Variants in PCDHA6 observed in about 807,000 individuals in gnomAD.
PCDHA6 encodes the protein protocadherin alpha-6.
A neutral mutation model predicts 60.3 loss-of-function variants in PCDHA6; 55 were observed. The ratio of observed to expected loss-of-function variants is 0.91; its 90% CI spans 0.73 to 1.14. The LOEUF is 1.14. Ranked by LOEUF, PCDHA6 falls within the 50% of genes most tolerant of loss-of-function variation. PCDHA6 has a pLI of 0.00. For missense variants in PCDHA6, 1,327 were observed against 1,256.5 expected, an observed-to-expected ratio of 1.06 and a Z score of -0.85; for synonymous variants, 652 against 557.9, an observed-to-expected ratio of 1.17 and a Z score of -2.38.
chr5:140,939,904 T>A (rs1554213033), intron 1 of PCDHA6, among the ~76,000 whole-genome samples: 3 of 152,228 alleles, frequency 2.0e-5, no homozygotes, highest in Non-Finnish European at 2.9e-5. Context: ...TTCTGCATTC[T>A]TTTTTATTCT....
intron 1 of PCDHA6, among the ~76,000 whole-genome samples, chr5:140,846,539 TA>T: frequency 6.7e-6 from 1 of 148,618 alleles, no homozygotes; most frequent in Middle Eastern, 3.5e-3. Context: ...CATGCCCTGC[TA>T]ATTTTTTGTA....
Position 140,828,010 on chromosome 5 carries a change from G to T in PCDHA6, c.-82G>T. 6.6e-7 allele frequency: 1 copy of T among 1,506,712 alleles called. No individual in the cohort carries two copies. The highest frequency in any genetic ancestry group is 1.3e-5 in the South Asian group (1 of 74,542). 93.3% of individuals were successfully genotyped at this position (1,506,712 alleles called of 1,614,324 possible). The stretch of plus-strand genomic sequence containing the variant: ...GAATGATGGCGGACGCAGAAGAAAT[G>T]GATTAATAAATTCCGGAACATACAG... On this transcript the variant is annotated 5_prime_UTR_variant, in exon 1 of 4. An upstream start codon of the reference 5' UTR is lost. Transcript: ENST00000529310.
chr5:140,969,123 C>G, intron 1 of PCDHA6: 1 of 1,614,172 alleles, frequency 6.2e-7, no homozygotes, highest in Non-Finnish European at 8.5e-7. Flanking sequence ...GGGAATGGCT[C>G]CCTCACCAAG....
chr5:140,851,303 G>A (rs2042020475), intron 1 of PCDHA6: 2 of 1,012,372 alleles, frequency 2.0e-6, no homozygotes. Context: ...AAAATATATA[G>A]CAATTGTTAC....
At chr5:140,856,624 G>T in intron 1 of PCDHA6, 1 of 1,597,992 alleles carries the variant, frequency 6.3e-7, no homozygotes, top group Non-Finnish European at 8.6e-7. Context: ...AATTCCCAGT[G>T]CTTGTTCTGC....
chr5:140,884,606 C>T (rs1554181776), intron 1 of PCDHA6: 1 of 1,614,038 alleles, frequency 6.2e-7, no homozygotes, highest in African/African-American at 1.3e-5. Flanking sequence ...TCCTCCTTGT[C>T]TGGGTTCTGC....
In PCDHA6 at chr5:140,829,895, G is replaced by A. The variant is rs2150177199; in HGVS notation, c.1804G>A (p.Gly602Ser). The A allele has an allele frequency of 2.8e-5, 45 of 1,613,856 alleles. No homozygotes were observed. The Admixed American group carries it at 6.2e-4, about 22-fold the overall frequency. The change falls in exon 1 of 4, where the codon GGC (glycine) becomes AGC (serine). Residue 602 changes from glycine to serine, a missense_variant. Transcript: ENST00000529310. ...AKVRAVDADSGYNAWLSYELQ... is the reference protein window; with the variant it reads ...AKVRAVDADSSYNAWLSYELQ... ...GGTGCGCGCAGTTGACGCCGACTCA[G>A]GCTACAACGCGTGGCTTTCGTATGA...
intron 3 of PCDHA6, among the ~76,000 whole-genome samples, chr5:140,999,095 G>C (rs1554256620): frequency 6.6e-6 from 1 of 152,202 alleles, no homozygotes; most frequent in African/African-American, 2.4e-5. Flanking sequence ...GAGGGCTATG[G>C]AGAGTAACCT....
intron 1 of PCDHA6, among the ~76,000 whole-genome samples, chr5:140,833,733 C>T (rs1772600974): frequency 1.4e-5 from 2 of 144,312 alleles, no homozygotes; most frequent in Admixed American, 1.4e-4. Context: ...GCTAATGTTT[C>T]TTGCCTCCTA....
In PCDHA6 at chr5:140,843,412, C is replaced by G. The variant is rs2150359416; in HGVS notation, c.2394+12927C>G. On this transcript the variant is annotated intron_variant, in intron 1 of 3. Transcript: ENST00000529310. ...CGGAAGCGGCGCTGGTGGATGTCAA[C>G]GTGTACCTGATCATCGCCATCTGCG... is the stretch of plus-strand genomic sequence containing the variant. 36 of 1,595,950 alleles carry G rather than the reference C, an allele frequency of 2.3e-5. 4 individuals carry two copies. The highest frequency in any genetic ancestry group is 6.6e-5 in the South Asian group (6 of 90,510).
At chr5:140,968,494 C>T in intron 1 of PCDHA6, 1 of 1,614,096 alleles carries the variant, frequency 6.2e-7, no homozygotes, top group Non-Finnish European at 8.5e-7. Flanking sequence ...ATGACCATGC[C>T]CCTCACATTC....
chr5:140,863,217 G>A (rs932359746), intron 1 of PCDHA6: 13 of 1,095,768 alleles, frequency 1.2e-5, no homozygotes, highest in Non-Finnish European at 1.6e-5. Flanking sequence ...GCAGCCAAGC[G>A]AGGAAGGTCC....
chr5:140,968,569 C>G (rs1554230875), intron 1 of PCDHA6: 18 of 1,614,086 alleles, frequency 1.1e-5, no homozygotes, highest in Non-Finnish European at 1.5e-5. Context: ...CCCCTGCTGG[C>G]TACCTGGTCA....
At chr5:140,858,318 G>A (rs1441459097) in intron 1 of PCDHA6, 1 of 1,596,952 alleles carries the variant, frequency 6.3e-7, no homozygotes, top group African/African-American at 1.3e-5. Flanking sequence ...CAGAGGGTGT[G>A]TTCTGGGGAG....
At chr5:140,946,893 A>T (rs1233227457) in intron 1 of PCDHA6, among the ~76,000 whole-genome samples, 1 of 151,482 alleles carries the variant, frequency 6.6e-6, no homozygotes, top group African/African-American at 2.4e-5. Context: ...TTACAATTAG[A>T]TAGGAAGAAT....
intron 1 of PCDHA6, among the ~76,000 whole-genome samples, chr5:140,941,810 A>T (rs188836583): frequency 6.6e-5 from 10 of 152,356 alleles, no homozygotes; most frequent in Admixed American, 4.6e-4. Flanking sequence ...TGATTTCAGT[A>T]GGATGACTGC....
At chr5:140,877,030 C>G (rs1554169262) in intron 1 of PCDHA6, 5 of 1,612,300 alleles carry the variant, frequency 3.1e-6, no homozygotes, top group Non-Finnish European at 3.4e-6. Context: ...GGTGTACGCG[C>G]TGCAGCCGCT....
At chr5:140,927,891 GA>G (rs1554205193) in intron 1 of PCDHA6, 1 of 1,614,192 alleles carries the variant, frequency 6.2e-7, no homozygotes, top group Admixed American at 1.7e-5. Context: ...TGACTGACGT[GA>G]ACGATCATGC....
intron 3 of PCDHA6, among the ~76,000 whole-genome samples, chr5:140,997,115 C>A (rs537421169): frequency 9.2e-5 from 14 of 152,116 alleles, no homozygotes; most frequent in Non-Finnish European, 1.6e-4. Flanking sequence ...TCCTGCTCTC[C>A]CACATACACA....
Sources: gnomAD v4.1 joint callset for allele counts (sites outside exome capture counted in the v4.1 genomes callset) on GRCh38, gnomAD v4.1.1 for gene constraint, MANE v1.5 for transcripts, NCBI Gene and HGNC (gene_info 2026-07-23, HGNC 2026-07-21) for gene names.